RBFOX1: variants seen among roughly 807,000 people sequenced by gnomAD.
The protein encoded by RBFOX1 is RNA binding protein fox-1 homolog 1.
Under a neutral mutation model 57.7 loss-of-function variants are expected in RBFOX1, and 8 were observed. The ratio of observed to expected loss-of-function variants is 0.14; its 90% CI spans 0.08 to 0.25. RBFOX1 has a LOEUF of 0.25. Among genes scored for constraint, RBFOX1 ranks in the 10% least tolerant of loss-of-function variants. The pLI is 1.00. For missense variants in RBFOX1, 611 were observed against 548.5 expected (o/e 1.11, Z -1.14); for synonymous variants, 326 against 222.4 (o/e 1.47, Z -4.15).
chr16:6,628,320 A>G (rs963458654), intron 2 of RBFOX1, among the ~76,000 whole-genome samples: 1 of 152,200 alleles, frequency 6.6e-6, no homozygotes, highest in Non-Finnish European at 1.5e-5. Flanking sequence ...AACTACCGGT[A>G]TCTTCCTAAA....
chr16:7,658,489 C>T (rs958909052), intron 12 of RBFOX1, among the ~76,000 whole-genome samples: 1 of 152,080 alleles, frequency 6.6e-6, no homozygotes, highest in African/African-American at 2.4e-5. Context: ...TCCTATGACT[C>T]ACATTTGGGA....
At chr16:7,416,188 G>A (rs1323502469) in intron 4 of RBFOX1, among the ~76,000 whole-genome samples, 1 of 152,178 alleles carries the variant, frequency 6.6e-6, no homozygotes, top group Non-Finnish European at 1.5e-5. Context: ...ACTGAAATGG[G>A]AAGTGACAGA....
intron 5 of RBFOX1, among the ~76,000 whole-genome samples, chr16:7,546,007 G>C (rs1381958918): frequency 2.9e-5 from 3 of 103,864 alleles, no homozygotes; most frequent in Non-Finnish European, 6.0e-5. Flanking sequence ...CTGTGACTCT[G>C]AGCTTATAAA....
chr16:6,806,817 A>AATATATATATATATAT (rs1250190342), intron 3 of RBFOX1, among the ~76,000 whole-genome samples: 62 of 85,086 alleles, frequency 7.3e-4, no homozygotes, highest in Non-Finnish European at 1.0e-3. Context: ...TAAATATATA[A>AATATATATATATATAT]ATATATATAT....
intron 3 of RBFOX1, among the ~76,000 whole-genome samples, chr16:5,752,713 A>G (rs941755982): frequency 6.6e-6 from 1 of 152,212 alleles, no homozygotes; most frequent in Admixed American, 6.5e-5. Flanking sequence ...AGGGCGTATA[A>G]GCAGTTGGGA....
Position 6,020,701 on chromosome 16 carries a change from G to C in RBFOX1, c.-127+709G>C, listed in dbSNP as rs186819392. On this transcript the variant is annotated intron_variant, in intron 1 of 15. Transcript: ENST00000550418. ...AGCCCTGTGTTGTTGTGCAGGCCAG[G>C]GGGGGGCTTGTCAGCTCCAATCAAC... Among the ~76,000 whole-genome samples the C allele has an allele frequency of 1.3e-4, 14 of 110,158 alleles. 1 individual carries two copies. The highest frequency in any genetic ancestry group is 2.3e-4 in the African/African-American group (6 of 26,428). The allele number at this position is 110,158 out of a possible 152,430, so 72.3% of individuals were successfully genotyped here.
intron 2 of RBFOX1, among the ~76,000 whole-genome samples, chr16:6,507,092 C>G (rs938684581): frequency 6.6e-6 from 1 of 152,106 alleles, no homozygotes; most frequent in Non-Finnish European, 1.5e-5. Flanking sequence ...AAGGTACATC[C>G]CAAGTCTCCG....
At chr16:7,512,108 A>G (rs138383003) in intron 4 of RBFOX1, among the ~76,000 whole-genome samples, 170 of 152,246 alleles carry the variant, frequency 1.1e-3, no homozygotes, top group African/African-American at 3.8e-3. Flanking sequence ...TTATTTAGGG[A>G]AAGGTGGGGG....
chr16:6,998,030 T>G (rs2092418636), intron 3 of RBFOX1, among the ~76,000 whole-genome samples: 2 of 152,072 alleles, frequency 1.3e-5, no homozygotes, highest in South Asian at 4.1e-4. Context: ...GCCGTTCTTT[T>G]GTTAAAATTC....
chr16:7,056,355 C>T (rs548810772), intron 4 of RBFOX1, among the ~76,000 whole-genome samples: 1 of 152,174 alleles, frequency 6.6e-6, no homozygotes, highest in East Asian at 1.9e-4. Context: ...TTCTTCTGAG[C>T]TTGCAATTCA....
At chr16:6,700,269 C>T (rs1049835215) in intron 3 of RBFOX1, among the ~76,000 whole-genome samples, 2 of 152,014 alleles carry the variant, frequency 1.3e-5, no homozygotes, top group African/African-American at 4.8e-5. Context: ...ATAGCTGAAC[C>T]CAAGGCTTGT....
intron 1 of RBFOX1, among the ~76,000 whole-genome samples, chr16:5,386,741 C>A (rs1449012687): frequency 6.6e-6 from 1 of 152,152 alleles, no homozygotes; most frequent in Non-Finnish European, 1.5e-5. Flanking sequence ...CTGTAGCTCA[C>A]CAGCCGTACT....
At chr16:5,618,989 G>T (rs991914083) in intron 3 of RBFOX1, among the ~76,000 whole-genome samples, 1 of 152,170 alleles carries the variant, frequency 6.6e-6, no homozygotes, top group Non-Finnish European at 1.5e-5. Flanking sequence ...CCTTTGCTCC[G>T]GTGGTTCCAG....
intron 3 of RBFOX1, among the ~76,000 whole-genome samples, chr16:5,720,671 T>C (rs4627353): frequency 0.55 from 83,113 of 152,086 alleles, 26,405 homozygotes; most frequent in Non-Finnish European, 0.73. Flanking sequence ...TCTGACATCA[T>C]TTGTTGAAAA....
chr16:6,729,067 C>A (rs1603467307), intron 3 of RBFOX1, among the ~76,000 whole-genome samples: 1 of 152,032 alleles, frequency 6.6e-6, no homozygotes, highest in African/African-American at 2.4e-5. Flanking sequence ...TCACATATTC[C>A]CAGTGGCCTC....
At chr16:5,804,312 G>C (rs1423089830) in intron 3 of RBFOX1, among the ~76,000 whole-genome samples, 3 of 152,214 alleles carry the variant, frequency 2.0e-5, no homozygotes, top group Non-Finnish European at 4.4e-5. Flanking sequence ...TAGATGAATG[G>C]ATGGATGGAT....
At chr16:7,326,813 C>T (rs141706440) in intron 4 of RBFOX1, among the ~76,000 whole-genome samples, 1 of 152,050 alleles carries the variant, frequency 6.6e-6, no homozygotes, top group Non-Finnish European at 1.5e-5. Flanking sequence ...GTGATGCCCT[C>T]AGGTCACTTG....
At chr16:5,429,350 C>G (rs887443313) in intron 1 of RBFOX1, among the ~76,000 whole-genome samples, 2 of 152,176 alleles carry the variant, frequency 1.3e-5, no homozygotes, top group African/African-American at 4.8e-5. Flanking sequence ...TTCACTTTGC[C>G]CCATAAACTC....
At chr16:7,710,049 CTCAG>C (rs2083715383) in intron 15 of RBFOX1, 15 of 1,001,694 alleles carry the variant, frequency 1.5e-5, no homozygotes, top group South Asian at 8.9e-5. Flanking sequence ...TTCACTGAAG[CTCAG>C]TCATAGAAAT....
Sources: gnomAD v4.1 joint callset for allele counts (sites outside exome capture counted in the v4.1 genomes callset) on GRCh38, gnomAD v4.1.1 for gene constraint, MANE v1.5 for transcripts, NCBI Gene and HGNC (gene_info 2026-07-23, HGNC 2026-07-21) for gene names.